IVD: variants seen among roughly 807,000 people sequenced by gnomAD.
IVD encodes the protein isovaleryl-CoA dehydrogenase.
Under a neutral mutation model 51.3 loss-of-function variants are expected in IVD, and 31 were observed. That is an observed-to-expected ratio of 0.60 (90% CI 0.45 to 0.81). The LOEUF (loss-of-function observed/expected upper bound fraction) is 0.81, where lower values mean the gene tolerates loss of function less well. Ranked by LOEUF, IVD falls within the 40% of genes least tolerant of loss-of-function variation. The pLI is 0.00. For synonymous variants in IVD, 205 were observed against 219.4 expected, an observed-to-expected ratio of 0.93 and a Z score of 0.58; for missense variants, 475 against 552.0, an observed-to-expected ratio of 0.86 and a Z score of 1.40.
rs975650681 is a variant in IVD at position 40,420,336 on chromosome 15, A to G, written c.*2073A>G. 1.3e-4 allele frequency: 126 copies of G among 987,568 alleles called. No individual in the cohort carries two copies. Among genetic ancestry groups the G allele is most frequent in the Admixed American group, 2.5e-4 (4 of 16,286 alleles). The allele number at this position is 987,568 out of a possible 1,614,324, so 61.2% of individuals were successfully genotyped here. On this transcript the variant is annotated 3_prime_UTR_variant, in exon 12 of 12. Transcript: ENST00000487418. ...CCCGAGCAGGCCGGAGTTGGCTCGC[A>G]TGACTCCAGCTGAGGCTGCCTGTGT...
chr15:40,406,768 A>G (rs553139965), intron 1 of IVD, among the ~76,000 whole-genome samples: 3 of 152,326 alleles, frequency 2.0e-5, no homozygotes, highest in African/African-American at 7.2e-5. Context: ...GTTTATAGCC[A>G]GCGAGCGCTC....
downstream of IVD, among the ~76,000 whole-genome samples, chr15:40,422,460 T>A (rs1312445086): frequency 6.6e-6 from 1 of 151,688 alleles, no homozygotes; most frequent in African/African-American, 2.4e-5. Flanking sequence ...ATTTTTTGTA[T>A]TTTTAGTAGA....
Position 40,418,416 on chromosome 15 carries a change from C to T in IVD, c.*153C>T. On this transcript the variant is annotated 3_prime_UTR_variant, in exon 12 of 12. Transcript: ENST00000487418. ...CTGGATGAGGTTGAGTTCTCCACAA[C>T]AGCTCCCAAGCATCATGGGCCTCGC... 6.4e-7 allele frequency: 1 copy of T among 1,553,148 alleles called. No homozygotes were observed. Among genetic ancestry groups the T allele is most frequent in the Non-Finnish European group, 8.7e-7 (1 of 1,155,262 alleles).
rs769144225 is a variant in IVD, at chr15:40,420,751, T to G, written c.*2488T>G. Reference sequence around the variant, plus strand: ...TCAACACAATTTGACTTTCTCAAGGTCAAAACGAACTAGAATCCAGATCTG... The same window carrying G: ...TCAACACAATTTGACTTTCTCAAGGGCAAAACGAACTAGAATCCAGATCTG... On this transcript the variant is annotated 3_prime_UTR_variant, in exon 12 of 12. Transcript: ENST00000487418. The G allele has an allele frequency of 2.6e-5, 26 of 985,588 alleles. No homozygotes were observed. Among genetic ancestry groups the G allele is most frequent in the Non-Finnish European group, 3.1e-5 (26 of 830,126 alleles). The allele number at this position is 985,588 out of a possible 1,614,324, so 61.1% of individuals were successfully genotyped here. A position where few individuals can be genotyped will look rare whatever the true frequency, so the allele number is the denominator to read the frequency against.
rs1269132241 is a variant in IVD at position 40,418,610 on chromosome 15, C to T, written c.*347C>T. ...CTGGGGGCATGCAGGTGCCCACCTC[C>T]CAGGGTAGGCACCTGGGGGCATGCA... On this transcript the variant is annotated 3_prime_UTR_variant, in exon 12 of 12. Coordinates refer to ENST00000487418, the MANE Select transcript of IVD (RefSeq NM_002225.5). The T allele has an allele frequency of 2.0e-6, 2 of 1,006,482 alleles. No homozygotes were observed. 62.3% of individuals were successfully genotyped at this position (1,006,482 alleles called of 1,614,324 possible). A position where few individuals can be genotyped will look rare whatever the true frequency, so the allele number is the denominator to read the frequency against.
At chr15:40,423,471 T>C (rs1458928801), downstream of IVD, among the ~76,000 whole-genome samples, 1 of 152,242 alleles carries the variant, frequency 6.6e-6, no homozygotes, top group Non-Finnish European at 1.5e-5. Context: ...TTTTTGTTTT[T>C]GTTTTTAAGA....
downstream of IVD, among the ~76,000 whole-genome samples, chr15:40,428,181 CAAA>C (rs796217209): frequency 2.0e-4 from 15 of 73,538 alleles, no homozygotes; most frequent in Admixed American, 3.0e-4. Context: ...GACTCCGTGT[CAAA>C]AAAAAAAAAA....
At chr15:40,426,537 C>CAA (rs199772837), downstream of IVD, among the ~76,000 whole-genome samples, 20 of 131,340 alleles carry the variant, frequency 1.5e-4, no homozygotes, top group Admixed American at 6.0e-4. Context: ...TACACTGTCT[C>CAA]AAAAAAAAAA....
intron 7 of IVD, among the ~76,000 whole-genome samples, chr15:40,429,651 C>T (rs1273388681): frequency 2.0e-5 from 3 of 152,270 alleles, no homozygotes; most frequent in East Asian, 1.9e-4. Context: ...CTTCTTCGCC[C>T]TCCACCAACC....
intron 7 of IVD, among the ~76,000 whole-genome samples, chr15:40,432,077 C>T (rs1330189542): frequency 1.3e-5 from 2 of 151,096 alleles, no homozygotes; most frequent in Non-Finnish European, 1.5e-5. Context: ...GATTCTTATG[C>T]CTCAGCCTCC....
chr15:40,416,292 C>T lies in IVD; in HGVS notation c.1068C>T (p.Asp356=). Reference sequence around the variant, plus strand: ...CTGACCCCAGCTTCCTCCCGTAGGACTGTGCAGGTGTGATTCTTTACTCAG... The same window carrying T: ...CTGACCCCAGCTTCCTCCCGTAGGATTGTGCAGGTGTGATTCTTTACTCAG... The part of the protein sequence containing the change: ...ACDEGHCTAK[D]CAGVILYSAE... The change falls in exon 11 of 12, where the codon GAC becomes GAT. Residue 356 remains aspartate (D), a splice_region_variant and synonymous_variant. Transcript: ENST00000487418. 6.2e-7 allele frequency: 1 copy of T among 1,614,264 alleles called. No homozygotes were observed.
intron 3 of IVD, 114 bp from the exon 4 acceptor site, chr15:40,410,514 T>C: frequency 8.4e-7 from 1 of 1,196,954 alleles, no homozygotes; most frequent in Non-Finnish European, 1.2e-6. Flanking sequence ...AGAGAGAATT[T>C]GGAGTAGGTG....
At chr15:40,421,596 A>C (rs1892303597), downstream of IVD, among the ~76,000 whole-genome samples, 1 of 152,350 alleles carries the variant, frequency 6.6e-6, no homozygotes, top group South Asian at 2.1e-4. Context: ...CCTAGAATAA[A>C]TGCAGGTTCC....
rs1291981758 is a variant in IVD at position 40,415,102 on chromosome 15, C to G, written c.878+120C>G. ...AAGGGAGCTGCCTCTTGGCCCTGCT[C>G]TCTCCTGGGAGATGAAAGGAACCTC... On this transcript the variant is annotated intron_variant, in intron 8 of 11. Transcript: ENST00000487418. The G allele has an allele frequency of 2.6e-6, 3 of 1,176,204 alleles. No individual in the cohort carries two copies. The African/African-American group carries it at 4.6e-5, about 18-fold the overall frequency. 72.9% of individuals were successfully genotyped at this position (1,176,204 alleles called of 1,614,324 possible).
At chr15:40,407,062 C>T (rs1022342850) in intron 1 of IVD, among the ~76,000 whole-genome samples, 6 of 152,038 alleles carry the variant, frequency 3.9e-5, no homozygotes, top group Admixed American at 3.3e-4. Flanking sequence ...GGAGTTTCTC[C>T]ATGTTGGTCA....
downstream of IVD, among the ~76,000 whole-genome samples, chr15:40,424,938 C>T (rs1427584836): frequency 6.6e-6 from 1 of 152,180 alleles, no homozygotes. Context: ...GCAGAAACAG[C>T]AGGGCCAGCC....
intron 3 of IVD, among the ~76,000 whole-genome samples, chr15:40,408,548 A>T (rs1259480677): frequency 1.3e-5 from 2 of 152,064 alleles, no homozygotes; most frequent in Non-Finnish European, 2.9e-5. Flanking sequence ...TGGCCAGATG[A>T]TGTGTTTAAT....
rs1892208871 is a variant in IVD at position 40,420,575 on chromosome 15, T to TA, written c.*2316dup. The TA allele has an allele frequency of 1.0e-6, 1 of 987,382 alleles. No homozygotes were observed. Among genetic ancestry groups the TA allele is most frequent in the Non-Finnish European group, 1.2e-6 (1 of 830,102 alleles). 61.2% of individuals were successfully genotyped at this position (987,382 alleles called of 1,614,324 possible). A position where few individuals can be genotyped will look rare whatever the true frequency, so the allele number is the denominator to read the frequency against. ...CGTTCTTTCATGAGGGACAGGAAGG[T>TA]AAAATCAGCCCTTAGGAGAGAGGTC... is the stretch of plus-strand genomic sequence containing the variant. On this transcript the variant is annotated 3_prime_UTR_variant, in exon 12 of 12. Transcript: ENST00000487418.
Position 40,419,178 on chromosome 15 carries a change from A to G in IVD, c.*915A>G. On this transcript the variant is annotated 3_prime_UTR_variant, in exon 12 of 12. Transcript: ENST00000487418. ...AAAAACCCTGGCCCTTGTTTCTTCCAGTTTCTAGAGGTATCAGCTCCTAGC... is the reference window on the plus strand; with the variant it reads ...AAAAACCCTGGCCCTTGTTTCTTCCGGTTTCTAGAGGTATCAGCTCCTAGC... 1 of 1,289,306 alleles carries G rather than the reference A, an allele frequency of 7.8e-7. No homozygotes were observed. The allele number at this position is 1,289,306 out of a possible 1,614,324, so 79.9% of individuals were successfully genotyped here.
Sources: gnomAD v4.1 joint callset for allele counts (sites outside exome capture counted in the v4.1 genomes callset) on GRCh38, gnomAD v4.1.1 for gene constraint, MANE v1.5 for transcripts, NCBI Gene and HGNC (gene_info 2026-07-23, HGNC 2026-07-21) for gene names.